The following GPBP1L1 variants were observed in gnomAD, a reference collection of about 807,000 sequenced individuals.
The protein encoded by GPBP1L1 is vasculin-like protein 1.
A neutral mutation model predicts 52.5 loss-of-function variants in GPBP1L1; 23 were observed. The observed-to-expected ratio is 0.44, with a 90% CI of 0.32 to 0.62. The LOEUF (loss-of-function observed/expected upper bound fraction) is 0.62, where lower values mean the gene tolerates loss of function less well. GPBP1L1 is among the 20% of genes least tolerant of loss of function. The pLI, the probability that GPBP1L1 is intolerant of heterozygous loss-of-function variation, is 0.06. For synonymous variants in GPBP1L1, 243 were observed against 203.1 expected, an observed-to-expected ratio of 1.20 and a Z score of -1.67; for missense variants, 596 against 579.3, an observed-to-expected ratio of 1.03 and a Z score of -0.30.
chr1:45,671,831 TAATAAATA>T (rs141577520), intron 2 of GPBP1L1, among the ~76,000 whole-genome samples: 21 of 151,208 alleles, frequency 1.4e-4, no homozygotes, highest in South Asian at 1.0e-3. Flanking sequence ...TCTCTAATAA[TAATAAATA>T]AATAAATAAA....
intron 6 of GPBP1L1, 96 bp downstream of exon 6, chr1:45,654,447 T>C (rs1198677834): frequency 8.5e-7 from 1 of 1,179,636 alleles, no homozygotes. Flanking sequence ...AATTCCTTTT[T>C]CTGTAATTTC....
At chr1:45,661,981 TGA>T in intron 2 of GPBP1L1, among the ~76,000 whole-genome samples, 1 of 152,308 alleles carries the variant, frequency 6.6e-6, no homozygotes, top group South Asian at 2.1e-4. Flanking sequence ...CTAGGATCCT[TGA>T]GATATCTGTC....
Position 45,640,349 on chromosome 1 carries a change from G to A in GPBP1L1, c.605C>T (p.Ser202Phe). The change falls in exon 8 of 13, where the codon TCC (serine) becomes TTC (phenylalanine). Residue 202 changes from serine (S) to phenylalanine (F), a missense_variant. Coordinates refer to ENST00000355105, the MANE Select transcript of GPBP1L1 (RefSeq NM_021639.5). The part of the protein sequence containing the change: ...PSKMLVIKKV[S>F]KEDPAAAFSA... ...GAAGGCAGCAGCAGGATCCTCTTTG[G>A]AAACTTTTTTGATAACTAGCATCTT... The A allele has an allele frequency of 6.2e-7, 1 of 1,614,208 alleles. No homozygotes were observed. Among genetic ancestry groups the A allele is most frequent in the Non-Finnish European group, 8.5e-7 (1 of 1,180,034 alleles).
intron 2 of GPBP1L1, among the ~76,000 whole-genome samples, chr1:45,676,615 CAGG>C (rs1485413385): frequency 6.7e-6 from 1 of 148,742 alleles, no homozygotes; most frequent in Admixed American, 6.9e-5. Context: ...GAGGCTGAGG[CAGG>C]AGAATAGCTT....
At chr1:45,635,535 T>C (rs890553073) in intron 8 of GPBP1L1, 3 of 152,216 alleles carry the variant, frequency 2.0e-5, no homozygotes, top group Non-Finnish European at 2.9e-5. Context: ...AGAATATCTA[T>C]GTCTGTGCCA....
rs112769774 is a variant in GPBP1L1 at position 45,630,099 on chromosome 1, C to A, written c.1169+383G>T. Among the ~76,000 whole-genome samples, 135 of 152,214 alleles carry A rather than the reference C, an allele frequency of 8.9e-4. 1 individual carries two copies. The highest frequency in any genetic ancestry group is 3.3e-3 in the African/African-American group (135 of 41,530). ...CCTAGTAGCTGGAATTACAGGCGCACACTACCATGCCCAGCTACTTTTTGT... is the reference window on the plus strand; with the variant it reads ...CCTAGTAGCTGGAATTACAGGCGCAAACTACCATGCCCAGCTACTTTTTGT... On this transcript the variant is annotated intron_variant, in intron 11 of 12. Transcript: ENST00000355105.
At chr1:45,670,062 C>T (rs1341526229) in intron 2 of GPBP1L1, among the ~76,000 whole-genome samples, 3 of 152,184 alleles carry the variant, frequency 2.0e-5, no homozygotes, top group African/African-American at 7.2e-5. Context: ...TTCAACTTCA[C>T]AAGGTAATGT....
At chr1:45,668,073 C>A (rs1294435732) in intron 2 of GPBP1L1, among the ~76,000 whole-genome samples, 1 of 152,244 alleles carries the variant, frequency 6.6e-6, no homozygotes, top group Middle Eastern at 3.4e-3. Context: ...ATAGTGTACC[C>A]TTATTGTCTT....
intron 6 of GPBP1L1, among the ~76,000 whole-genome samples, chr1:45,649,995 C>A (rs1042765279): frequency 6.6e-6 from 1 of 152,114 alleles, no homozygotes; most frequent in African/African-American, 2.4e-5. Context: ...GTATACATTT[C>A]TTTTTCTTGC....
At chr1:45,674,270 A>G (rs1645111072) in intron 2 of GPBP1L1, among the ~76,000 whole-genome samples, 1 of 152,230 alleles carries the variant, frequency 6.6e-6, no homozygotes, top group African/African-American at 2.4e-5. Context: ...AGGATTGCCT[A>G]TTTTATTTGG....
At chr1:45,676,253 G>C (rs72885325) in intron 2 of GPBP1L1, among the ~76,000 whole-genome samples, 1 of 152,180 alleles carries the variant, frequency 6.6e-6, no homozygotes, top group African/African-American at 2.4e-5. Context: ...GAACCAAAAG[G>C]GGACATAAGA....
In GPBP1L1 at chr1:45,627,744, A is replaced by C. The variant is rs977836960; in HGVS notation, c.*512T>G. 77 of 152,538 alleles carry C rather than the reference A, an allele frequency of 5.0e-4. No homozygotes were observed. The highest frequency in any genetic ancestry group is 4.1e-4 in the Non-Finnish European group (28 of 68,042). The allele number at this position is 152,538 out of a possible 1,614,324, so 9.4% of individuals were successfully genotyped here. The stretch of plus-strand genomic sequence containing the variant: ...AAAAAGAAAAAAAAAACAAAAAAAA[A>C]CAACCAAAAAAACCCACATATGCTT... On this transcript the variant is annotated 3_prime_UTR_variant, in exon 13 of 13. Coordinates refer to ENST00000355105, the MANE Select transcript of GPBP1L1 (RefSeq NM_021639.5).
chr1:45,630,737 T>A lies in GPBP1L1; in HGVS notation c.1045-131A>T, dbSNP rs201193544. On this transcript the variant is annotated intron_variant, in intron 10 of 12. Coordinates refer to ENST00000355105, the MANE Select transcript of GPBP1L1 (RefSeq NM_021639.5). ...GACAGCCTCAGCCCACAGATTTTTT[T>A]CCCCATTTACAAATGAGGACCTGCT... The A allele has an allele frequency of 2.6e-4, 260 of 1,008,222 alleles. 2 individuals carry two copies. In the Middle Eastern group the frequency reaches 3.5e-3, roughly 13 times the overall value. The allele number at this position is 1,008,222 out of a possible 1,614,324, so 62.5% of individuals were successfully genotyped here.
intron 6 of GPBP1L1, among the ~76,000 whole-genome samples, chr1:45,646,382 TTTTC>T (rs1644745820): frequency 6.6e-6 from 1 of 152,204 alleles, no homozygotes; most frequent in Non-Finnish European, 1.5e-5. Flanking sequence ...GTCTATCTGG[TTTTC>T]TTTCTCTTAA....
chr1:45,663,222 T>C (rs1239885137), intron 2 of GPBP1L1, among the ~76,000 whole-genome samples: 2 of 152,198 alleles, frequency 1.3e-5, no homozygotes, highest in Non-Finnish European at 2.9e-5. Context: ...CTTTTTATCT[T>C]ACGAATTCTA....
intron 4 of GPBP1L1, among the ~76,000 whole-genome samples, chr1:45,656,648 C>G (rs941520843): frequency 6.6e-6 from 1 of 151,026 alleles, no homozygotes; most frequent in African/African-American, 2.4e-5. Context: ...AGTCAAAAAT[C>G]AACAAAATAC....
chr1:45,677,166 T>A (rs1036147424), intron 2 of GPBP1L1, among the ~76,000 whole-genome samples: 1 of 151,470 alleles, frequency 6.6e-6, no homozygotes, highest in African/African-American at 2.4e-5. Context: ...TGAAACCCCA[T>A]CTCTACTAAA....
At position 45,634,262 on chromosome 1, in the gene GPBP1L1, G is replaced by A. The variant is rs1360105792; in HGVS notation, c.745-26C>T. The stretch of plus-strand genomic sequence containing the variant: ...CTACACAGGGTGAAAGAACAAATCA[G>A]TCAGAACAAGCACACAAACAGAAGC... On this transcript the variant is annotated intron_variant, in intron 8 of 12. Transcript: ENST00000355105. The A allele has an allele frequency of 3.8e-6, 6 of 1,584,332 alleles. No individual in the cohort carries two copies. In the East Asian group the frequency reaches 6.7e-5, roughly 18 times the overall value.
At position 45,659,027 on chromosome 1, in the gene GPBP1L1, C is replaced by T. The variant is rs1341529434; in HGVS notation, c.60+1G>A. On this transcript the variant is annotated splice_donor_variant, in intron 4 of 12. Coordinates refer to ENST00000355105, the MANE Select transcript of GPBP1L1 (RefSeq NM_021639.5). LOFTEE classifies it high-confidence loss of function. ...GTTACTACAGGAATGGAGAACAGTA[C>T]CTTAGCTGACTGTGGTGTTGAGAAA... is the stretch of plus-strand genomic sequence containing the variant. 6.3e-7 allele frequency: 1 copy of T among 1,594,312 alleles called. No individual in the cohort carries two copies. Among genetic ancestry groups the T allele is most frequent in the African/African-American group, 1.3e-5 (1 of 74,584 alleles).
Sources: gnomAD v4.1 joint callset for allele counts (sites outside exome capture counted in the v4.1 genomes callset) on GRCh38, gnomAD v4.1.1 for gene constraint, MANE v1.5 for transcripts, NCBI Gene and HGNC (gene_info 2026-07-23, HGNC 2026-07-21) for gene names.